ADAR: variants seen among roughly 807,000 people sequenced by gnomAD.
ADAR encodes the protein double-stranded RNA-specific adenosine deaminase.
In ADAR, 41 loss-of-function variants were observed where a neutral mutation model predicts 113.2. The ratio of observed to expected loss-of-function variants is 0.36; its 90% CI spans 0.28 to 0.47. The LOEUF is 0.47. Among genes scored for constraint, ADAR ranks in the 20% least tolerant of loss-of-function variants. ADAR has a pLI of 1.00. For missense variants in ADAR, 1,242 were observed against 1,540.9 expected, an observed-to-expected ratio of 0.81 and a Z score of 3.25; for synonymous variants, 605 against 572.6, an observed-to-expected ratio of 1.06 and a Z score of -0.81.
chr1:154,596,771 T>C (rs759705992), intron 6 of ADAR, 34 bp downstream of exon 6: 2 of 1,610,802 alleles, frequency 1.2e-6, no homozygotes, highest in South Asian at 2.2e-5. Context: ...CCCCAACTGG[T>C]GACACATGCA....
At chr1:154,616,920 C>A (rs960361129) in intron 1 of ADAR, among the ~76,000 whole-genome samples, 3 of 152,204 alleles carry the variant, frequency 2.0e-5, no homozygotes, top group Non-Finnish European at 4.4e-5. Context: ...GCACTTCTGT[C>A]TGGAGTTCTA....
intron 6 of ADAR, among the ~76,000 whole-genome samples, chr1:154,594,659 T>C (rs1203386448): frequency 6.6e-6 from 1 of 152,202 alleles, no homozygotes; most frequent in Non-Finnish European, 1.5e-5. Flanking sequence ...AGCTGCATGT[T>C]TAACCAAAAA....
chr1:154,603,215 A>G (rs1183729935), intron 1 of ADAR, among the ~76,000 whole-genome samples: 2 of 152,160 alleles, frequency 1.3e-5, no homozygotes, highest in South Asian at 2.1e-4. Context: ...ACTGAACCCC[A>G]GTCCTCCAAG....
chr1:154,585,121 G>A (rs1030430888), intron 14 of ADAR, 78 bp from the exon 15 acceptor site: 4 of 1,612,142 alleles, frequency 2.5e-6, no homozygotes, highest in East Asian at 2.2e-5. Flanking sequence ...CGTGGGAGGG[G>A]AGGCGGCTCT....
In ADAR at chr1:154,588,690, TG is replaced by T. The variant is rs1696929407; in HGVS notation, c.2763-18del. The T allele has an allele frequency of 1.9e-6, 3 of 1,614,136 alleles. No homozygotes were observed. Among genetic ancestry groups the T allele is most frequent in the East Asian group, 4.5e-5 (2 of 44,894 alleles). Reference sequence around the variant, plus strand: ...TAGAGAAACCTACAAAAAGAAAGTCTGGTTAGGAAGGCAGGTTCAATTCTGG... The same window carrying T: ...TAGAGAAACCTACAAAAAGAAAGTCTGTTAGGAAGGCAGGTTCAATTCTGG... On this transcript the variant is annotated intron_variant, in intron 9 of 14. Transcript: ENST00000368474.
rs370314259 is a variant in ADAR at position 154,584,799 on chromosome 1, G to A, written c.*7C>T. ...ACACACCCTAATCCATCTGTCACTG[G>A]AGCATACTATACTGGGCAGAGATAA... On this transcript the variant is annotated 3_prime_UTR_variant, in exon 15 of 15. Coordinates refer to ENST00000368474, the MANE Select transcript of ADAR (RefSeq NM_001111.5). The A allele has an allele frequency of 6.2e-6, 10 of 1,606,598 alleles. No homozygotes were observed. In the African/African-American group the frequency reaches 8.0e-5, roughly 13 times the overall value.
chr1:154,589,820 G>T lies in ADAR; in HGVS notation c.2605C>A (p.Leu869Met), dbSNP rs1697009291. Residue 869 changes from leucine (L) to methionine (M), a missense_variant, in exon 8 of 15, where the codon CTG (leucine) becomes ATG (methionine). This residue lies in a region of ADAR where 780 missense variants were observed against 1,057.9 expected (regional missense o/e 0.74). Transcript: ENST00000368474. ...FQPSLLGRKI[L>M]AAIIMKKDSE... ...TCTTTTTTCATAATGATGGCGGCCA[G>T]AATCTTGCGGCCGAGCAAGGAGGGC... The T allele has an allele frequency of 6.2e-7, 1 of 1,613,960 alleles. No homozygotes were observed. Among genetic ancestry groups the T allele is most frequent in the Admixed American group, 1.7e-5 (1 of 59,990 alleles).
intron 4 of ADAR, 84 bp downstream of exon 4, chr1:154,597,744 C>T (rs1310704952): frequency 1.3e-6 from 2 of 1,579,110 alleles, no homozygotes; most frequent in Non-Finnish European, 1.7e-6. Flanking sequence ...GTCAATCTGC[C>T]ATCCCTGAGG....
At chr1:154,625,512 A>T (rs1698906435) in intron 1 of ADAR, among the ~76,000 whole-genome samples, 1 of 152,252 alleles carries the variant, frequency 6.6e-6, no homozygotes, top group African/African-American at 2.4e-5. Context: ...GGATGAAATA[A>T]GTTAGTATAT....
Position 154,582,579 on chromosome 1 carries a change from C to T in ADAR, c.*2227G>A, listed in dbSNP as rs545120940. ...CTCTTCCTACAACAGAAACTGAATACTACAGGCTTGCTAGATAAGATCTTG... is the reference window on the plus strand; with the variant it reads ...CTCTTCCTACAACAGAAACTGAATATTACAGGCTTGCTAGATAAGATCTTG... On this transcript the variant is annotated 3_prime_UTR_variant, in exon 15 of 15. Coordinates refer to ENST00000368474, the MANE Select transcript of ADAR (RefSeq NM_001111.5). 1.3e-5 allele frequency: 2 copies of T among 152,392 alleles called. No homozygotes were observed. The highest frequency in any genetic ancestry group is 4.8e-5 in the African/African-American group (2 of 41,532). The allele number at this position is 152,392 out of a possible 1,614,324, so 9.4% of individuals were successfully genotyped here. A position where few individuals can be genotyped will look rare whatever the true frequency, so the allele number is the denominator to read the frequency against.
chr1:154,598,556 C>T lies in ADAR; in HGVS notation c.1631G>A (p.Arg544Gln), dbSNP rs1697655744. 1.2e-6 allele frequency: 2 copies of T among 1,614,212 alleles called. No individual in the cohort carries two copies. The highest frequency in any genetic ancestry group is 1.7e-6 in the Non-Finnish European group (2 of 1,180,044). Reference sequence around the variant, plus strand: ...TCCAGCTTCAGCTGGGGGAAACTCTCGGCCATTGATGACAACCTGGAATTT... The same window carrying T: ...TCCAGCTTCAGCTGGGGGAAACTCTTGGCCATTGATGACAACCTGGAATTT... ...RFKFQVVING[R>Q]EFPPAEAGSK... Residue 544 changes from arginine (R) to glutamine (Q), a missense_variant, in exon 3 of 15, where the codon CGA becomes CAA. Physicochemically the swap from Arg to Gln is conservative, Grantham distance 43. Around this residue, in one of 2 missense-constraint regions of ADAR, gnomAD observed 780 missense variants for 1,057.9 expected, o/e 0.74. Coordinates refer to ENST00000368474, the MANE Select transcript of ADAR (RefSeq NM_001111.5).
chr1:154,618,984 C>T (rs1279439643), intron 1 of ADAR, among the ~76,000 whole-genome samples: 1 of 152,094 alleles, frequency 6.6e-6, no homozygotes, highest in Non-Finnish European at 1.5e-5. Context: ...GTGGCAGGTA[C>T]TTGTAATCCC....
upstream of ADAR, among the ~76,000 whole-genome samples, chr1:154,610,826 A>AAAAAC (rs1698463413): frequency 7.7e-6 from 1 of 129,388 alleles, no homozygotes; most frequent in Non-Finnish European, 1.5e-5. Flanking sequence ...AAAAAAAAGA[A>AAAAAC]AAAAAAAAAA....
chr1:154,589,137 A>T (rs1696956533), intron 9 of ADAR, among the ~76,000 whole-genome samples: 1 of 152,228 alleles, frequency 6.6e-6, no homozygotes, highest in Admixed American at 6.5e-5. Flanking sequence ...AGTTAGCAGA[A>T]AAAAGGACAG....
At chr1:154,588,829 C>T (rs1009764978) in intron 9 of ADAR, among the ~76,000 whole-genome samples, 156 bp from the exon 10 acceptor site, 2 of 152,246 alleles carry the variant, frequency 1.3e-5, no homozygotes, top group East Asian at 3.8e-4. Flanking sequence ...GAGACCTCAG[C>T]ATTTCATAAA....
chr1:154,605,916 A>C, intron 1 of ADAR: 1 of 887,220 alleles, frequency 1.1e-6, no homozygotes, highest in Non-Finnish European at 1.4e-6. Flanking sequence ...TTAAACTGCT[A>C]CTCTTGGCCC....
intron 1 of ADAR, among the ~76,000 whole-genome samples, chr1:154,619,293 T>C (rs533961774): frequency 6.6e-6 from 1 of 152,314 alleles, no homozygotes; most frequent in Non-Finnish European, 1.5e-5. Flanking sequence ...CAGTGATACA[T>C]GTGATACATT....
chr1:154,604,418 C>T (rs577164050), intron 1 of ADAR, among the ~76,000 whole-genome samples: 8 of 152,336 alleles, frequency 5.3e-5, no homozygotes, highest in African/African-American at 1.9e-4. Flanking sequence ...CAGTTCCCTT[C>T]TCCACCCAAG....
At chr1:154,624,266 GCTTCATTCTGT>G in intron 1 of ADAR, among the ~76,000 whole-genome samples, 2 of 152,292 alleles carry the variant, frequency 1.3e-5, no homozygotes, top group East Asian at 3.9e-4. Context: ...TTGGAGAAGA[GCTTCATTCTGT>G]GTGCATGTGG....
Sources: allele counts gnomAD v4.1 joint callset (sites outside exome capture counted in the v4.1 genomes callset), GRCh38; gene constraint gnomAD v4.1.1; regional missense constraint gnomAD v4.1.1; transcripts MANE v1.5; gene names NCBI Gene and HGNC (gene_info 2026-07-23, HGNC 2026-07-21).